The following GPC4 variants were observed in gnomAD, a reference collection of about 807,000 sequenced individuals.
The protein encoded by GPC4 is glypican 4.
In GPC4, 10 loss-of-function variants were observed where a neutral mutation model predicts 35.0. The ratio of observed to expected loss-of-function variants is 0.29; its 90% confidence interval spans 0.18 to 0.48. The LOEUF (loss-of-function observed/expected upper bound fraction) is 0.48. Ranked by LOEUF, GPC4 falls within the 20% of genes least tolerant of loss-of-function variation. The probability of loss-of-function intolerance (pLI) is 0.99; values close to 1 mark genes in which losing one functional copy is unlikely to be tolerated. For missense variants in GPC4, 322 were observed against 451.3 expected (o/e 0.71, Z 2.60); for synonymous variants, 167 against 170.2 (o/e 0.98, Z 0.15).
At chrX:133,341,094 G>C (rs2206623) in intron 1 of GPC4, among the ~76,000 whole-genome samples, 1 of 111,651 alleles carries the variant, frequency 9.0e-6, no homozygotes, top group Non-Finnish European at 1.9e-5. Context: ...GCTAAGGCTC[G>C]GTTTTATGGA....
rs752969383 is a variant in GPC4 at position 133,313,236 on chromosome X, ACAGT to A, written c.712-1817_712-1814del. ...GATTAGTGGTGTCAGGAGAAAAAAA[ACAGT>A]CAGGCTCCTACGTGATGCATGTGCA... On this transcript the variant is annotated intron_variant, in intron 3 of 8. Coordinates refer to ENST00000370828, the MANE Select transcript of GPC4 (RefSeq NM_001448.3). 6.2e-5 allele frequency among the ~76,000 whole-genome samples: 7 copies of A among 112,418 alleles called. No individual in the cohort carries two copies. The East Asian group carries it at 1.7e-3, about 27-fold the overall frequency.
intron 1 of GPC4, among the ~76,000 whole-genome samples, chrX:133,354,629 C>T (rs917443536): frequency 3.8e-5 from 4 of 105,216 alleles, no homozygotes; most frequent in Admixed American, 3.0e-4. Flanking sequence ...ACTGCAGTGG[C>T]GCAATCTCGG....
intron 1 of GPC4, among the ~76,000 whole-genome samples, chrX:133,351,823 C>T (rs1327108032): frequency 8.9e-6 from 1 of 112,217 alleles, no homozygotes; most frequent in African/African-American, 3.2e-5. Flanking sequence ...AACATTTTCC[C>T]CAAGTCTAAG....
chrX:133,414,936 G>A lies in GPC4; in HGVS notation c.30C>T (p.Leu10=). 8.3e-7 allele frequency: 1 copy of A among 1,211,118 alleles called. No individual in the cohort carries two copies. The highest frequency in any genetic ancestry group is 1.1e-6 in the Non-Finnish European group (1 of 895,224). The change falls in exon 1 of 9, where the codon CTC becomes CTT. Residue 10 remains leucine, a synonymous_variant. Coordinates refer to ENST00000370828, the MANE Select transcript of GPC4 (RefSeq NM_001448.3). ...CGGCGCTGAGCACTGCCAGGGTGCA[G>A]AGAAGCGCGGGCAAGCCGAACCGTG... The part of the protein sequence containing the change: MARFGLPAL[L]CTLAVLSAAL...
chrX:133,405,430 T>C (rs2068783657), intron 1 of GPC4, among the ~76,000 whole-genome samples: 1 of 112,315 alleles, frequency 8.9e-6, no homozygotes, highest in Non-Finnish European at 1.9e-5. Context: ...ATGTACTTTC[T>C]GAACTTTTAA....
chrX:133,317,378 T>TA (rs1479663033), intron 3 of GPC4, among the ~76,000 whole-genome samples: 2 of 111,363 alleles, frequency 1.8e-5, no homozygotes, highest in Admixed American at 9.6e-5. Flanking sequence ...CCATATCTGC[T>TA]ATAAAAAGCC....
At chrX:133,358,488 T>C (rs1211997821) in intron 1 of GPC4, among the ~76,000 whole-genome samples, 5 of 112,489 alleles carry the variant, frequency 4.4e-5, no homozygotes, top group Non-Finnish European at 9.4e-5. Context: ...TTCTTCCTAA[T>C]AGCCAATCAT....
At chrX:133,367,547 T>A (rs1317032551) in intron 1 of GPC4, among the ~76,000 whole-genome samples, 1 of 112,123 alleles carries the variant, frequency 8.9e-6, no homozygotes, top group Non-Finnish European at 1.9e-5. Context: ...CCAGGACACA[T>A]GGGAGAGTGA....
At chrX:133,303,367 G>A (rs777972938) in intron 7 of GPC4, 26 bp from the exon 8 acceptor site, 21 of 1,172,614 alleles carry the variant, frequency 1.8e-5, no homozygotes, top group Non-Finnish European at 2.4e-5. Context: ...ACCCCAGTAA[G>A]ATGATTCGTA....
chrX:133,305,735 T>G lies in GPC4; in HGVS notation c.1155+37A>C, dbSNP rs758623457. The G allele has an allele frequency of 5.8e-6, 7 of 1,202,544 alleles. No homozygotes were observed. In the East Asian group the frequency reaches 2.1e-4, roughly 36 times the overall value. On this transcript the variant is annotated intron_variant, in intron 6 of 8. Coordinates refer to ENST00000370828, the MANE Select transcript of GPC4 (RefSeq NM_001448.3). Reference sequence around the variant, plus strand: ...TTTTGAGCAAGAGTTTTCAGTTCTTTGTCATTAAACACGGCCCTTCCTGCC... The same window carrying G: ...TTTTGAGCAAGAGTTTTCAGTTCTTGGTCATTAAACACGGCCCTTCCTGCC...
At position 133,377,888 on chromosome X, in the gene GPC4, T is replaced by C. The variant is rs199544585; in HGVS notation, c.160+36918A>G. ...ATACTTTTCTTTTTCTTTTTTTTTT[T>C]CTTTTTTTTTTTTTTTTTGCTTTTG... On this transcript the variant is annotated intron_variant, in intron 1 of 8. Coordinates refer to ENST00000370828, the MANE Select transcript of GPC4 (RefSeq NM_001448.3). Among the ~76,000 whole-genome samples, 488 of 96,106 alleles carry C rather than the reference T, an allele frequency of 5.1e-3. 4 individuals are homozygous for C. Among genetic ancestry groups the C allele is most frequent in the East Asian group, 0.011 (33 of 3,002 alleles). The allele number at this position is 96,106 out of a possible 115,157, so 83.5% of individuals were successfully genotyped here.
At chrX:133,368,570 G>GT (rs1603084416) in intron 1 of GPC4, among the ~76,000 whole-genome samples, 2 of 111,109 alleles carry the variant, frequency 1.8e-5, no homozygotes, top group African/African-American at 3.3e-5. Context: ...CACTTTTAAG[G>GT]TTTTTTTAAG....
chrX:133,356,452 C>T (rs1452175405), intron 1 of GPC4, among the ~76,000 whole-genome samples: 1 of 111,266 alleles, frequency 9.0e-6, no homozygotes, highest in East Asian at 2.8e-4. Flanking sequence ...ACCATGTTGG[C>T]CAGGCTGGTT....
chrX:133,384,756 T>G (rs774490643), intron 1 of GPC4, among the ~76,000 whole-genome samples: 2 of 111,976 alleles, frequency 1.8e-5, no homozygotes, highest in South Asian at 7.5e-4. Context: ...AACCCTTCCC[T>G]TACGCCTCCT....
intron 3 of GPC4, among the ~76,000 whole-genome samples, chrX:133,319,460 A>G (rs867076872): frequency 2.2e-4 from 23 of 105,958 alleles, no homozygotes; most frequent in African/African-American, 6.2e-4. Flanking sequence ...AAAAAAAAAA[A>G]AAAAAAAAAA....
At chrX:133,333,528 A>G (rs1462162293) in intron 2 of GPC4, among the ~76,000 whole-genome samples, 1 of 113,229 alleles carries the variant, frequency 8.8e-6, no homozygotes, top group Non-Finnish European at 1.9e-5. Flanking sequence ...ATTTGATTAC[A>G]GTAAGCTGGC....
At chrX:133,374,720 C>G (rs991858939) in intron 1 of GPC4, among the ~76,000 whole-genome samples, 1 of 112,057 alleles carries the variant, frequency 8.9e-6, no homozygotes, top group South Asian at 3.8e-4. Context: ...GAACCAGGAG[C>G]TCCTCATAGC....
In GPC4 at chrX:133,302,615, T is replaced by C; in HGVS notation, c.*252A>G. Reference sequence around the variant, plus strand: ...AAAATCACAAATGCACAACTAACTATAGTTCTGTACCTACACTGTTAGCCA... The same window carrying C: ...AAAATCACAAATGCACAACTAACTACAGTTCTGTACCTACACTGTTAGCCA... On this transcript the variant is annotated 3_prime_UTR_variant, in exon 9 of 9. Coordinates refer to ENST00000370828, the MANE Select transcript of GPC4 (RefSeq NM_001448.3). 1 of 348,303 alleles carries C rather than the reference T, an allele frequency of 2.9e-6. No individual in the cohort carries two copies. Among genetic ancestry groups the C allele is most frequent in the Non-Finnish European group, 5.0e-6 (1 of 201,235 alleles). 28.7% of individuals were successfully genotyped at this position (348,303 alleles called of 1,213,427 possible). A position where few individuals can be genotyped will look rare whatever the true frequency, so the allele number is the denominator to read the frequency against.
At chrX:133,315,171 C>T (rs1171900947) in intron 3 of GPC4, among the ~76,000 whole-genome samples, 1 of 107,143 alleles carries the variant, frequency 9.3e-6, no homozygotes, top group Admixed American at 1.0e-4. Context: ...CATCCCTAAA[C>T]CGAACACCCA....
Sources: gnomAD v4.1 joint callset for allele counts (sites outside exome capture counted in the v4.1 genomes callset) on GRCh38, gnomAD v4.1.1 for gene constraint, MANE v1.5 for transcripts, NCBI Gene and HGNC (gene_info 2026-07-23, HGNC 2026-07-21) for gene names.